Variants in DLG2 observed in about 807,000 individuals in gnomAD.
DLG2 encodes the protein discs large MAGUK scaffold protein 2.
A neutral mutation model predicts 132.5 loss-of-function variants in DLG2; 45 were observed. That is an observed-to-expected ratio of 0.34 (90% CI 0.27 to 0.44). The LOEUF (loss-of-function observed/expected upper bound fraction) is 0.44, where lower values mean the gene tolerates loss of function less well. Ranked by LOEUF, DLG2 falls within the 20% of genes least tolerant of loss-of-function variation. DLG2 has a pLI of 1.00. For synonymous variants in DLG2, 424 were observed against 419.6 expected (o/e 1.01, Z -0.13); for missense variants, 1,045 against 1,196.9 (o/e 0.87, Z 1.87).
At chr11:84,078,428 A>T (rs2096857353) in intron 10 of DLG2, among the ~76,000 whole-genome samples, 1 of 152,238 alleles carries the variant, frequency 6.6e-6, no homozygotes, top group Admixed American at 6.5e-5. Flanking sequence ...TTACCTAATC[A>T]TTAGAGTCAC....
At chr11:83,633,140 A>G (rs896593961) in intron 19 of DLG2, 71 bp downstream of exon 19, 14 of 1,364,256 alleles carry the variant, frequency 1.0e-5, no homozygotes, top group Admixed American at 1.7e-5. Context: ...CTGTTGCTAC[A>G]TGGTGTTGCC....
At chr11:84,620,674 C>A (rs753742876) in intron 6 of DLG2, among the ~76,000 whole-genome samples, 2 of 151,956 alleles carry the variant, frequency 1.3e-5, no homozygotes, top group Non-Finnish European at 2.9e-5. Flanking sequence ...AAGAACTCAA[C>A]GATATTTTTG....
At chr11:85,473,248 T>A (rs2093041787) in intron 3 of DLG2, among the ~76,000 whole-genome samples, 1 of 152,142 alleles carries the variant, frequency 6.6e-6, no homozygotes, top group African/African-American at 2.4e-5. Context: ...GCTAGCTCAG[T>A]CATCCTGAGT....
chr11:85,214,363 C>G (rs1045045011), intron 4 of DLG2, among the ~76,000 whole-genome samples: 1 of 152,132 alleles, frequency 6.6e-6, no homozygotes, highest in African/African-American at 2.4e-5. Flanking sequence ...CTGATCTCTA[C>G]AACACCTCGC....
At chr11:85,366,680 T>C (rs2084578222) in intron 3 of DLG2, among the ~76,000 whole-genome samples, 1 of 152,186 alleles carries the variant, frequency 6.6e-6, no homozygotes, top group Admixed American at 6.5e-5. Context: ...GGGTAGAGGA[T>C]AAGTTCCTAG....
At chr11:85,617,355 A>G (rs1020039020) in intron 2 of DLG2, among the ~76,000 whole-genome samples, 1 of 152,202 alleles carries the variant, frequency 6.6e-6, no homozygotes, top group African/African-American at 2.4e-5. Context: ...ACTTCTATTC[A>G]TCTTCTGTAT....
intron 16 of DLG2, among the ~76,000 whole-genome samples, chr11:83,847,757 C>T (rs945280683): frequency 6.6e-6 from 1 of 152,254 alleles, no homozygotes; most frequent in Middle Eastern, 3.4e-3. Context: ...TTTCTAAAAC[C>T]ACAATTCCAC....
intron 6 of DLG2, among the ~76,000 whole-genome samples, chr11:84,538,310 A>G (rs528887259): frequency 6.6e-6 from 1 of 152,328 alleles, no homozygotes; most frequent in East Asian, 1.9e-4. Context: ...CTTAAAGTGG[A>G]TTGTAGCAGA....
At chr11:83,491,584 T>C (rs990884023) in intron 21 of DLG2, among the ~76,000 whole-genome samples, 4 of 151,968 alleles carry the variant, frequency 2.6e-5, no homozygotes, top group African/African-American at 9.7e-5. Flanking sequence ...AGTAAAAAGC[T>C]CAGGTAACCA....
At chr11:84,087,713 G>A (rs2097013277) in intron 10 of DLG2, among the ~76,000 whole-genome samples, 1 of 152,180 alleles carries the variant, frequency 6.6e-6, no homozygotes, top group African/African-American at 2.4e-5. Context: ...GGAAGTAAAG[G>A]TTGGATGGAG....
At chr11:84,532,502 G>A (rs887656696) in intron 7 of DLG2, among the ~76,000 whole-genome samples, 65 of 151,976 alleles carry the variant, frequency 4.3e-4, no homozygotes, top group Non-Finnish European at 1.6e-4. Flanking sequence ...CTGTGTGTTG[G>A]GGGTTGTGGC....
intron 9 of DLG2, among the ~76,000 whole-genome samples, chr11:84,152,404 T>C (rs78922297): frequency 4.6e-5 from 7 of 151,498 alleles, no homozygotes; most frequent in Admixed American, 1.3e-4. Context: ...TTTTTTTTTT[T>C]CAGACGGAGT....
chr11:85,369,863 G>A (rs1033156877), intron 3 of DLG2, among the ~76,000 whole-genome samples: 1 of 152,192 alleles, frequency 6.6e-6, no homozygotes, highest in Non-Finnish European at 1.5e-5. Flanking sequence ...AAGGGTCTTG[G>A]ATCAAGTATT....
chr11:85,074,825 C>A (rs2066315430), intron 6 of DLG2, among the ~76,000 whole-genome samples: 1 of 151,884 alleles, frequency 6.6e-6, no homozygotes, highest in African/African-American at 2.4e-5. Context: ...GCATGAAAAA[C>A]AGTATGTGCT....
At chr11:85,589,132 G>A (rs1281389555) in intron 3 of DLG2, among the ~76,000 whole-genome samples, 1 of 152,194 alleles carries the variant, frequency 6.6e-6, no homozygotes, top group Non-Finnish European at 1.5e-5. Flanking sequence ...TAGTGTGCTG[G>A]CTTTCTCAAA....
intron 11 of DLG2, among the ~76,000 whole-genome samples, chr11:84,041,287 C>T (rs1211956370): frequency 6.6e-6 from 1 of 151,884 alleles, no homozygotes; most frequent in Non-Finnish European, 1.5e-5. Flanking sequence ...TAGGCAGGTA[C>T]ATATATAGGA....
chr11:84,793,585 G>C (rs888254712), intron 6 of DLG2, among the ~76,000 whole-genome samples: 1 of 152,138 alleles, frequency 6.6e-6, no homozygotes, highest in Non-Finnish European at 1.5e-5. Context: ...GGGTGCTCAA[G>C]CATTGGCTGC....
At chr11:85,567,608 T>A (rs896292744) in intron 3 of DLG2, among the ~76,000 whole-genome samples, 1 of 152,082 alleles carries the variant, frequency 6.6e-6, no homozygotes, top group African/African-American at 2.4e-5. Flanking sequence ...TCCTTTCCAA[T>A]TTTTTTGGAA....
At chr11:84,117,674 A>G (rs756165920) in intron 9 of DLG2, among the ~76,000 whole-genome samples, 8 of 152,190 alleles carry the variant, frequency 5.3e-5, no homozygotes, top group Non-Finnish European at 8.8e-5. Flanking sequence ...TGCCACATGT[A>G]TCAGTTATAT....
Sources: gnomAD v4.1 joint callset for allele counts (sites outside exome capture counted in the v4.1 genomes callset) on GRCh38, gnomAD v4.1.1 for gene constraint, MANE v1.5 for transcripts, NCBI Gene and HGNC (gene_info 2026-07-23, HGNC 2026-07-21) for gene names.